Variants in CKMT2 observed in about 807,000 individuals in gnomAD.
CKMT2 encodes creatine kinase, mitochondrial 2.
CKMT2 carries 43 observed loss-of-function variants against 48.9 expected under a neutral mutation model. The observed-to-expected ratio is 0.88, with a 90% CI of 0.69 to 1.13. CKMT2 has a LOEUF of 1.13. Among genes scored for constraint, CKMT2 ranks in the 50% most tolerant of loss-of-function variants. The pLI is 0.00. For synonymous variants in CKMT2, 206 were observed against 213.0 expected (o/e 0.97, Z 0.29); for missense variants, 472 against 555.4 (o/e 0.85, Z 1.51).
At chr5:81,247,358 A>G (rs1756646606) in intron 1 of CKMT2, among the ~76,000 whole-genome samples, 1 of 152,232 alleles carries the variant, frequency 6.6e-6, no homozygotes, top group Non-Finnish European at 1.5e-5. Context: ...ATAGACACAG[A>G]TTACCCCTTA....
At chr5:81,255,827 A>G (rs958183000) in intron 5 of CKMT2, among the ~76,000 whole-genome samples, 4 of 150,448 alleles carry the variant, frequency 2.7e-5, no homozygotes, top group African/African-American at 7.4e-5. Context: ...CTCTTAAAAA[A>G]AAAAAAAAGC....
rs34825989 is a variant in CKMT2 at position 81,255,821 on chromosome 5, TAAAAA to T, written c.669+617_669+621del. Reference sequence around the variant, plus strand: ...TTCAAAAGTAACAACTTTAAACTCTTAAAAAAAAAAAAAAGCAGAAACAAAATTTT... The same window carrying T: ...TTCAAAAGTAACAACTTTAAACTCTTAAAAAAAAAGCAGAAACAAAATTTT... On this transcript the variant is annotated intron_variant, in intron 5 of 9. Transcript: ENST00000254035. Among the ~76,000 whole-genome samples the T allele has an allele frequency of 5.9e-3, 829 of 140,742 alleles. 1 individual carries two copies. The highest frequency in any genetic ancestry group is 0.012 in the African/African-American group (469 of 38,670). The allele number at this position is 140,742 out of a possible 152,430, so 92.3% of individuals were successfully genotyped here.
intron 8 of CKMT2, among the ~76,000 whole-genome samples, chr5:81,259,536 T>TCTA (rs1405579131): frequency 6.6e-6 from 1 of 152,182 alleles, no homozygotes; most frequent in African/African-American, 2.4e-5. Flanking sequence ...TCTGGTTCTT[T>TCTA]CTATCTCCTT....
intron 1 of CKMT2, 121 bp from the exon 2 acceptor site, chr5:81,250,992 G>T: frequency 5.0e-6 from 3 of 597,868 alleles, no homozygotes; most frequent in Non-Finnish European, 2.9e-6. Flanking sequence ...AAGAGAGAGA[G>T]AGAGACAGAG....
intron 1 of CKMT2, among the ~76,000 whole-genome samples, 151 bp from the exon 2 acceptor site, chr5:81,250,940 AACACACACACACACACACACAC>A (rs142418532): frequency 7.5e-6 from 1 of 132,998 alleles, no homozygotes; most frequent in Non-Finnish European, 1.6e-5. Flanking sequence ...AGAAATAGAA[AACACACACACACACACACACAC>A]ACACACACAC....
intron 1 of CKMT2, chr5:81,242,509 T>C: frequency 2.0e-6 from 1 of 490,840 alleles, no homozygotes; most frequent in Admixed American, 2.2e-5. Flanking sequence ...ATTAGGTTGA[T>C]TTGGTGTTCA....
Position 81,255,038 on chromosome 5 carries a change from G to T in CKMT2, c.493G>T (p.Val165Leu). ...CGAGCATTACGTGCTGTCTTCTCGG[G>T]TGCGCACTGGCCGCAGCATCCGTGG... ...FDEHYVLSSR[V>L]RTGRSIRGLS... is the part of the protein sequence containing the mutation. The change falls in exon 5 of 10, where the codon GTG (valine) becomes TTG (leucine). Residue 165 changes from valine (V) to leucine (L), a missense_variant. Val to Leu is a conservative substitution (Grantham distance 32). Coordinates refer to ENST00000254035, the MANE Select transcript of CKMT2 (RefSeq NM_001099735.2). 1 of 1,614,002 alleles carries T rather than the reference G, an allele frequency of 6.2e-7. No individual in the cohort carries two copies. Among genetic ancestry groups the T allele is most frequent in the Non-Finnish European group, 8.5e-7 (1 of 1,180,004 alleles).
rs537076041 is a variant in CKMT2 at position 81,239,546 on chromosome 5, T to G, written c.-21+6169T>G. On this transcript the variant is annotated intron_variant, in intron 1 of 9. Coordinates refer to ENST00000254035, the MANE Select transcript of CKMT2 (RefSeq NM_001099735.2). Reference sequence around the variant, plus strand: ...ACAGTCCTCCACTGATGCACATGGGTGTGCAGGGGTCTATTCATCGTTTCC... The same window carrying G: ...ACAGTCCTCCACTGATGCACATGGGGGTGCAGGGGTCTATTCATCGTTTCC... Among the ~76,000 whole-genome samples, 165 of 152,148 alleles carry G rather than the reference T, an allele frequency of 1.1e-3. 2 individuals are homozygous for G. Among genetic ancestry groups the G allele is most frequent in the African/African-American group, 3.9e-3 (161 of 41,500 alleles).
chr5:81,235,603 G>C (rs543754980), intron 1 of CKMT2, among the ~76,000 whole-genome samples: 1 of 152,222 alleles, frequency 6.6e-6, no homozygotes, highest in Non-Finnish European at 1.5e-5. Flanking sequence ...GGGGGCTCGG[G>C]CTGGAGGCAG....
chr5:81,238,326 T>G (rs556106724), intron 1 of CKMT2: 1 of 151,898 alleles, frequency 6.6e-6, no homozygotes, highest in African/African-American at 2.4e-5. Context: ...AGAGCGAGAC[T>G]GTCTCAAAAA....
intron 5 of CKMT2, among the ~76,000 whole-genome samples, chr5:81,256,387 G>A (rs1272679198): frequency 6.6e-6 from 1 of 152,086 alleles, no homozygotes. Context: ...GAAGATTAAA[G>A]GAAATAAAAG....
intron 9 of CKMT2, among the ~76,000 whole-genome samples, chr5:81,264,167 GT>G: frequency 6.6e-6 from 1 of 152,334 alleles, no homozygotes; most frequent in Middle Eastern, 3.4e-3. Context: ...TTAGGATTCT[GT>G]GATGAATATG....
intron 4 of CKMT2, 98 bp from the exon 5 acceptor site, chr5:81,254,894 TC>T: frequency 2.0e-6 from 2 of 976,622 alleles, no homozygotes; most frequent in Non-Finnish European, 1.6e-6. Flanking sequence ...TGCCTGAGGG[TC>T]CCCAGGGAAA....
intron 3 of CKMT2, among the ~76,000 whole-genome samples, 200 bp from the exon 4 acceptor site, chr5:81,254,196 G>A (rs1756917294): frequency 6.6e-6 from 1 of 151,910 alleles, no homozygotes; most frequent in Admixed American, 6.6e-5. Context: ...CCTTCAAAAG[G>A]CTTTCTCTCT....
At chr5:81,242,455 A>G (rs1352115945) in intron 1 of CKMT2, 2 of 514,614 alleles carry the variant, frequency 3.9e-6, no homozygotes, top group Non-Finnish European at 7.5e-6. Context: ...TCAATTTTAC[A>G]GAGGTCGCCT....
At chr5:81,259,021 C>A in intron 7 of CKMT2, 99 bp from the exon 8 acceptor site, 1 of 1,137,198 alleles carries the variant, frequency 8.8e-7, no homozygotes, top group Non-Finnish European at 1.2e-6. Context: ...TCATTCATGC[C>A]AGAGGAGGGT....
chr5:81,257,098 C>T, intron 6 of CKMT2, 98 bp downstream of exon 6: 2 of 874,846 alleles, frequency 2.3e-6, no homozygotes, highest in African/African-American at 1.7e-5. Context: ...CTGCAGTTGA[C>T]AGCATGCCCA....
At chr5:81,263,074 A>G (rs1206746230) in intron 8 of CKMT2, among the ~76,000 whole-genome samples, 1 of 151,932 alleles carries the variant, frequency 6.6e-6, no homozygotes, top group African/African-American at 2.4e-5. Context: ...CTAACACAAG[A>G]ACAGAAAACC....
In CKMT2 at chr5:81,260,713, G is replaced by A. The variant is rs1317996976; in HGVS notation, c.1014+1459G>A. On this transcript the variant is annotated intron_variant, in intron 8 of 9. Coordinates refer to ENST00000254035, the MANE Select transcript of CKMT2 (RefSeq NM_001099735.2). Reference sequence around the variant, plus strand: ...ACCAAAAACAAGTTCTGAAATTAAGGCAGTAATTAATAGCCTACCAACCAA... The same window carrying A: ...ACCAAAAACAAGTTCTGAAATTAAGACAGTAATTAATAGCCTACCAACCAA... 1.5e-4 allele frequency among the ~76,000 whole-genome samples: 23 copies of A among 152,270 alleles called. No homozygotes were observed. In the South Asian group the frequency reaches 4.8e-3, roughly 32 times the overall value.
Sources: allele counts gnomAD v4.1 joint callset (sites outside exome capture counted in the v4.1 genomes callset), GRCh38; gene constraint gnomAD v4.1.1; transcripts MANE v1.5; gene names NCBI Gene and HGNC (gene_info 2026-07-23, HGNC 2026-07-21).